Variants in NBEA observed in about 807,000 individuals in gnomAD.
NBEA encodes the protein lysosomal-trafficking regulator 2.
Under a neutral mutation model 343.4 loss-of-function variants are expected in NBEA, and 44 were observed. That is an observed-to-expected ratio of 0.13 (90% CI 0.10 to 0.16). The LOEUF (loss-of-function observed/expected upper bound fraction) is 0.16, where lower values mean the gene tolerates loss of function less well. Among genes scored for constraint, NBEA ranks in the 10% least tolerant of loss-of-function variants. The pLI is 1.00. For synonymous variants in NBEA, 1,175 were observed against 1,238.7 expected (o/e 0.95, Z 1.08); for missense variants, 2,555 against 3,631.3 (o/e 0.70, Z 7.62).
At chr13:35,223,857 G>A (rs536487642) in intron 33 of NBEA, among the ~76,000 whole-genome samples, 11 of 151,998 alleles carry the variant, frequency 7.2e-5, no homozygotes, top group African/African-American at 2.7e-4. Context: ...GGTCACACTG[G>A]GCTAAAATGC....
At chr13:35,104,980 A>G (rs990364943) in intron 11 of NBEA, among the ~76,000 whole-genome samples, 5 of 152,016 alleles carry the variant, frequency 3.3e-5, no homozygotes, top group African/African-American at 1.2e-4. Context: ...AACAGATGGC[A>G]TACTCAACCT....
At chr13:35,476,370 A>G (rs574452444) in intron 41 of NBEA, 7 of 1,135,140 alleles carry the variant, frequency 6.2e-6, no homozygotes, top group African/African-American at 1.6e-5. Context: ...CCTTCCTTTT[A>G]TCTTTGAGCC....
At chr13:35,273,661 A>AT (rs1351279333) in intron 34 of NBEA, among the ~76,000 whole-genome samples, 3 of 152,188 alleles carry the variant, frequency 2.0e-5, no homozygotes, top group African/African-American at 7.2e-5. Flanking sequence ...AATAGATGCA[A>AT]TAAAAAATGA....
At position 35,048,663 on chromosome 13, in the gene NBEA, A is replaced by G; in HGVS notation, c.824A>G (p.Lys275Arg). The G allele has an allele frequency of 7.2e-7, 1 of 1,387,884 alleles. No individual in the cohort carries two copies. The highest frequency in any genetic ancestry group is 1.0e-6 in the Non-Finnish European group (1 of 992,006). The allele number at this position is 1,387,884 out of a possible 1,614,324, so 86.0% of individuals were successfully genotyped here. Residue 275 changes from lysine to arginine, a missense_variant, in exon 5 of 59, where the codon AAG (lysine) becomes AGG (arginine). Physicochemically the swap from Lys to Arg is conservative, Grantham distance 26. This residue lies in a region of NBEA where 185 missense variants were observed against 290.6 expected (regional missense o/e 0.64). Transcript: ENST00000379939. ...MDPLNNINVD[K>R]DKPYLYCFRT... The stretch of plus-strand genomic sequence containing the variant: ...CCATTAAATAATATTAATGTTGATA[A>G]GGATAAACCTTATCTTTATTGGTAA...
At chr13:35,381,240 T>A (rs1189564675) in intron 38 of NBEA, among the ~76,000 whole-genome samples, 1 of 152,092 alleles carries the variant, frequency 6.6e-6, no homozygotes, top group Non-Finnish European at 1.5e-5. Flanking sequence ...AATATGTCAT[T>A]TGGGGGAATA....
chr13:35,111,964 T>G (rs189171851), intron 13 of NBEA, among the ~76,000 whole-genome samples: 1 of 146,234 alleles, frequency 6.8e-6, no homozygotes, highest in East Asian at 2.0e-4. Flanking sequence ...TCACCCAGGC[T>G]GGAGTGCAGT....
intron 18 of NBEA, among the ~76,000 whole-genome samples, chr13:35,146,164 A>G (rs2068408718): frequency 6.6e-6 from 1 of 152,176 alleles, no homozygotes; most frequent in South Asian, 2.1e-4. Context: ...CTTGAAAGAA[A>G]TGTTTCCCAG....
intron 38 of NBEA, among the ~76,000 whole-genome samples, chr13:35,418,343 A>T (rs2044066412): frequency 6.6e-6 from 1 of 152,116 alleles, no homozygotes; most frequent in Non-Finnish European, 1.5e-5. Context: ...AAATGGCAGA[A>T]GAATAACTTA....
chr13:35,422,383 G>A (rs2044346232), intron 38 of NBEA, among the ~76,000 whole-genome samples: 1 of 145,344 alleles, frequency 6.9e-6, no homozygotes, highest in South Asian at 2.1e-4. Flanking sequence ...CCACCTATGA[G>A]TGAGAACATG....
intron 35 of NBEA, among the ~76,000 whole-genome samples, chr13:35,298,166 A>T (rs1376005164): frequency 1.4e-5 from 2 of 148,126 alleles, no homozygotes; most frequent in Non-Finnish European, 3.0e-5. Flanking sequence ...ATATAGATAC[A>T]TAGCCAGTGT....
At position 35,142,278 on chromosome 13, in the gene NBEA, T is replaced by C. The variant is rs1370890103; in HGVS notation, c.2346T>C (p.Val782=). 6.2e-7 allele frequency: 1 copy of C among 1,610,038 alleles called. No homozygotes were observed. Among genetic ancestry groups the C allele is most frequent in the Non-Finnish European group, 8.5e-7 (1 of 1,177,544 alleles). The change falls in exon 18 of 59, where the codon GTT becomes GTC. Residue 782 remains valine (V), a synonymous_variant. Transcript: ENST00000379939. ...FLKHLGHKRK[V]EIMHTHSLFT... ...TCCTCCTTCTCTCCAGGAGAAAAGT[T>C]GAAATTATGCACACCCATAGTCTTT...
chr13:34,979,318 G>A (rs1039247998), intron 1 of NBEA, among the ~76,000 whole-genome samples: 2 of 152,078 alleles, frequency 1.3e-5, no homozygotes, highest in African/African-American at 2.4e-5. Flanking sequence ...CCAGGAGTTC[G>A]AGACCAGTCT....
chr13:35,043,545 AAC>A lies in NBEA; in HGVS notation c.527-1397_527-1396del, dbSNP rs374957364. Among the ~76,000 whole-genome samples the A allele has an allele frequency of 4.1e-3, 618 of 151,946 alleles. 4 individuals are homozygous for A. Among genetic ancestry groups the A allele is most frequent in the South Asian group, 0.038 (185 of 4,822 alleles). ...TATAGTACTTAAATTTTTTTGTAGA[AAC>A]ACACTTTTTGACCTATATGTACTAA... is the stretch of plus-strand genomic sequence containing the variant. On this transcript the variant is annotated intron_variant, in intron 2 of 58. Coordinates refer to ENST00000379939, the MANE Select transcript of NBEA (RefSeq NM_001385012.1).
At chr13:35,110,669 G>T (rs914558486) in intron 12 of NBEA, 141 bp from the exon 13 acceptor site, 3 of 491,746 alleles carry the variant, frequency 6.1e-6, no homozygotes, top group Non-Finnish European at 9.9e-6. Flanking sequence ...TATTGAAGAA[G>T]AAAGTTATTT....
At chr13:34,951,548 A>G (rs541209781) in intron 1 of NBEA, among the ~76,000 whole-genome samples, 1 of 152,316 alleles carries the variant, frequency 6.6e-6, no homozygotes, top group African/African-American at 2.4e-5. Context: ...GTGACCTGTC[A>G]GGGAGGGGAC....
chr13:35,528,391 A>G (rs2078087589), intron 41 of NBEA, among the ~76,000 whole-genome samples: 1 of 152,228 alleles, frequency 6.6e-6, no homozygotes, highest in Non-Finnish European at 1.5e-5. Context: ...TTGATTTTTA[A>G]TTATATCTTT....
rs572269637 is a variant in NBEA, at chr13:35,621,392, C to T, written c.7450-6689C>T. Among the ~76,000 whole-genome samples, 11 of 152,246 alleles carry T rather than the reference C, an allele frequency of 7.2e-5. No homozygotes were observed. The South Asian group carries it at 2.1e-3, about 29-fold the overall frequency. Reference sequence around the variant, plus strand: ...TCTTCACTGGGGTCCTTAATTGTCACAAACTCAGAGAAGCCTTCCCTGACC... The same window carrying T: ...TCTTCACTGGGGTCCTTAATTGTCATAAACTCAGAGAAGCCTTCCCTGACC... On this transcript the variant is annotated intron_variant, in intron 48 of 58. Coordinates refer to ENST00000379939, the MANE Select transcript of NBEA (RefSeq NM_001385012.1).
chr13:35,209,989 C>T (rs1485200329), intron 32 of NBEA, among the ~76,000 whole-genome samples: 2 of 151,970 alleles, frequency 1.3e-5, no homozygotes, highest in South Asian at 2.1e-4. Flanking sequence ...TATACTCATT[C>T]AGCTTTCTAG....
At chr13:35,070,181 C>T (rs1377912673) in intron 9 of NBEA, 76 bp downstream of exon 9, 1 of 1,287,642 alleles carries the variant, frequency 7.8e-7, no homozygotes, top group Non-Finnish European at 1.0e-6. Context: ...TCAAACATTG[C>T]TCATCTATAA....
Sources: gnomAD v4.1 joint callset for allele counts (sites outside exome capture counted in the v4.1 genomes callset) on GRCh38, gnomAD v4.1.1 for gene constraint, gnomAD v4.1.1 regional missense constraint, MANE v1.5 for transcripts, NCBI Gene and HGNC (gene_info 2026-07-23, HGNC 2026-07-21) for gene names.